The following NDRG2 variants were observed in gnomAD, a reference collection of about 807,000 sequenced individuals.
NDRG2 encodes the protein protein NDRG2.
In NDRG2, 34 loss-of-function variants were observed where a neutral mutation model predicts 58.2. That is an observed-to-expected ratio of 0.58 (90% CI 0.44 to 0.78). NDRG2 has a LOEUF of 0.78. Ranked by LOEUF, NDRG2 falls within the 30% of genes least tolerant of loss-of-function variation. The pLI is 0.00. For missense variants in NDRG2, 434 were observed against 471.2 expected (o/e 0.92, Z 0.73); for synonymous variants, 187 against 175.9 (o/e 1.06, Z -0.50).
At chr14:21,036,553 G>A (rs968213036) in intron 1 of NDRG2, among the ~76,000 whole-genome samples, 10 of 152,144 alleles carry the variant, frequency 6.6e-5, no homozygotes, top group South Asian at 2.1e-4. Flanking sequence ...CAAGCTTGTC[G>A]TAGGGTATAG....
chr14:21,036,435 T>C (rs1199504763), intron 1 of NDRG2, among the ~76,000 whole-genome samples: 1 of 152,158 alleles, frequency 6.6e-6, no homozygotes, highest in African/African-American at 2.4e-5. Context: ...CTGATGAGCT[T>C]AAAACATGCA....
chr14:21,024,038 T>A lies in NDRG2; in HGVS notation c.-15A>T. The A allele has an allele frequency of 2.0e-6, 2 of 985,678 alleles. No homozygotes were observed. Among genetic ancestry groups the A allele is most frequent in the Non-Finnish European group, 2.4e-6 (2 of 830,094 alleles). The allele number at this position is 985,678 out of a possible 1,614,324, so 61.1% of individuals were successfully genotyped here. A position where few individuals can be genotyped will look rare whatever the true frequency, so the allele number is the denominator to read the frequency against. On this transcript the variant is annotated 5_prime_UTR_variant, in exon 1 of 16. Transcript: ENST00000556147. ...GGGGTGGGGTCACTTACTGGGCTCC[T>A]ATTGGCTGGATGCAGTGGGATTAGG...
intron 1 of NDRG2, chr14:21,033,140 G>C (rs999172618): frequency 4.8e-5 from 18 of 378,454 alleles, no homozygotes; most frequent in Admixed American, 1.4e-4. Flanking sequence ...AGAAAAAGAG[G>C]TTGGAAAAAG....
chr14:21,025,020 TC>T lies in NDRG2; in HGVS notation c.-998del. 2 of 980,572 alleles carry T rather than the reference TC, an allele frequency of 2.0e-6. No homozygotes were observed. Among genetic ancestry groups the T allele is most frequent in the Non-Finnish European group, 2.4e-6 (2 of 828,784 alleles). 60.7% of individuals were successfully genotyped at this position (980,572 alleles called of 1,614,324 possible). On this transcript the variant is annotated 5_prime_UTR_variant, in exon 1 of 16. Transcript: ENST00000556147. This position sits in a 1 kb window ranked among gnomAD's most constrained non-coding sequence, Gnocchi z 5.1. ...GGCCCTACGGCCCCTCGCCTGCCCC[TC>T]CCCCTACCTGCTGCCGCCGCGGCCG...
intron 1 of NDRG2, chr14:21,034,031 G>C: frequency 6.2e-7 from 1 of 1,614,146 alleles, no homozygotes; most frequent in Non-Finnish European, 8.5e-7. Context: ...CACTATACTT[G>C]CAGAACTTCT....
At chr14:21,051,958 AG>A (rs1478546895) in intron 1 of NDRG2, among the ~76,000 whole-genome samples, 4 of 152,186 alleles carry the variant, frequency 2.6e-5, no homozygotes, top group African/African-American at 9.7e-5. Flanking sequence ...TTTGGGAGAT[AG>A]TTGCTTATTC....
intron 6 of NDRG2, 35 bp downstream of exon 6, chr14:21,021,782 G>C (rs1271743405): frequency 8.1e-6 from 13 of 1,600,942 alleles, no homozygotes; most frequent in South Asian, 6.8e-5. Flanking sequence ...GCTGGAAAGA[G>C]AACTCTGGTT....
intron 1 of NDRG2, among the ~76,000 whole-genome samples, chr14:21,050,780 A>G (rs2139135130): frequency 6.6e-6 from 1 of 152,286 alleles, no homozygotes; most frequent in South Asian, 2.1e-4. Flanking sequence ...TGCACACGAG[A>G]GTACTTGTAA....
intron 1 of NDRG2, among the ~76,000 whole-genome samples, chr14:21,062,624 T>A (rs1886023730): frequency 1.3e-5 from 2 of 152,100 alleles, no homozygotes; most frequent in Admixed American, 1.3e-4. Flanking sequence ...ATAGGGACTT[T>A]TCCTCCTTGG....
upstream of NDRG2, chr14:21,030,461 G>A: frequency 9.6e-7 from 1 of 1,036,718 alleles, no homozygotes. Flanking sequence ...GAGGGGAGCT[G>A]TTCCTGTTGC....
At chr14:21,030,877 G>T in intron 1 of NDRG2, 7 of 1,506,094 alleles carry the variant, frequency 4.6e-6, no homozygotes, top group Non-Finnish European at 6.3e-6. Flanking sequence ...ACCTGGCGCT[G>T]TGCTATCCTT....
intron 1 of NDRG2, chr14:21,043,027 T>TG: frequency 6.2e-7 from 1 of 1,614,140 alleles, no homozygotes; most frequent in South Asian, 1.1e-5. Context: ...TGCCCCCTTC[T>TG]GCTGCTTCTG....
chr14:21,034,335 G>T, intron 1 of NDRG2: 1 of 1,420,480 alleles, frequency 7.0e-7, no homozygotes, highest in Non-Finnish European at 9.7e-7. Context: ...CAGTGGGCCT[G>T]AAGTGGCTGT....
chr14:21,054,033 C>A (rs1202160517), intron 1 of NDRG2, among the ~76,000 whole-genome samples: 2 of 152,130 alleles, frequency 1.3e-5, no homozygotes, highest in Non-Finnish European at 2.9e-5. Flanking sequence ...TGATTGTAGT[C>A]TGAGTTGTAC....
At chr14:21,031,882 T>A (rs1289088167) in intron 1 of NDRG2, 1 of 1,611,252 alleles carries the variant, frequency 6.2e-7, no homozygotes, top group Non-Finnish European at 8.5e-7. Flanking sequence ...AATCCATCCC[T>A]GGCTTGCAGA....
chr14:21,052,619 A>AG (rs1375880943), intron 1 of NDRG2, among the ~76,000 whole-genome samples: 1 of 152,216 alleles, frequency 6.6e-6, no homozygotes, highest in African/African-American at 2.4e-5. Context: ...GAAGATAGGG[A>AG]GGCCACTCAT....
chr14:21,056,359 C>T (rs757437610), intron 1 of NDRG2, among the ~76,000 whole-genome samples: 2 of 152,148 alleles, frequency 1.3e-5, no homozygotes, highest in Non-Finnish European at 2.9e-5. Flanking sequence ...AATTCTTTTA[C>T]AATGAAACTG....
chr14:21,033,797 G>T (rs1193916928), intron 1 of NDRG2: 5 of 1,450,074 alleles, frequency 3.4e-6, no homozygotes, highest in Non-Finnish European at 2.9e-6. Flanking sequence ...TGGTGGTAGA[G>T]GTTGGGGAGT....
chr14:21,016,932 C>A lies in NDRG2; in HGVS notation c.*664G>T, dbSNP rs1359323176. On this transcript the variant is annotated 3_prime_UTR_variant, in exon 16 of 16. Coordinates refer to ENST00000556147, the MANE Select transcript of NDRG2 (RefSeq NM_001320329.2). The stretch of plus-strand genomic sequence containing the variant: ...AAGCTTAGCTCCCTCCCCAGTCCCA[C>A]TCTAGATGCACACTGAGCTACCAAA... 2 of 456,706 alleles carry A rather than the reference C, an allele frequency of 4.4e-6. No individual in the cohort carries two copies. The highest frequency in any genetic ancestry group is 1.4e-4 in the East Asian group (2 of 14,392). The allele number at this position is 456,706 out of a possible 1,614,324, so 28.3% of individuals were successfully genotyped here.
Sources: gnomAD v4.1 joint callset for allele counts (sites outside exome capture counted in the v4.1 genomes callset) on GRCh38, gnomAD v4.1.1 for gene constraint, Gnocchi (gnomAD v3.1) non-coding constraint, MANE v1.5 for transcripts, NCBI Gene and HGNC (gene_info 2026-07-23, HGNC 2026-07-21) for gene names.